Variants in NEAT1 observed in about 807,000 individuals in gnomAD.
The protein encoded by NEAT1 is nuclear paraspeckle assembly transcript 1.
chr11:65,423,663 G>C (rs1428625906), exon 1 of NEAT1: 1 of 152,276 alleles, frequency 6.6e-6, no homozygotes, highest in Non-Finnish European at 1.5e-5. Context: ...TCTAGGTTTG[G>C]CGCTAAACTC....
exon 1 of NEAT1, chr11:65,436,261 C>T (rs565085128): frequency 1.3e-5 from 2 of 152,250 alleles, no homozygotes; most frequent in South Asian, 4.1e-4. Context: ...CCTCTGGCCT[C>T]AGCTCCTAGA....
At chr11:65,443,995 G>C (rs1483307541) in exon 1 of NEAT1, 7 of 175,624 alleles carry the variant, frequency 4.0e-5, no homozygotes, top group Non-Finnish European at 8.5e-5. Context: ...TAAGGCCAGA[G>C]CTTTGTTGCT....
exon 1 of NEAT1, chr11:65,437,190 T>A (rs1856665096): frequency 7.3e-6 from 1 of 136,168 alleles, no homozygotes; most frequent in Non-Finnish European, 1.5e-5. Flanking sequence ...AGTTTATATA[T>A]ATATGTATAT....
exon 1 of NEAT1, chr11:65,428,525 G>A (rs1272614635): frequency 1.3e-5 from 2 of 152,152 alleles, no homozygotes; most frequent in East Asian, 1.9e-4. Flanking sequence ...GGTGCAGTGC[G>A]GGCATGAAAT....
chr11:65,437,087 A>T (rs114712408), exon 1 of NEAT1: 4 of 151,648 alleles, frequency 2.6e-5, no homozygotes, highest in African/African-American at 7.3e-5. Flanking sequence ...GATTAATAAT[A>T]AGAGCTCTTT....
chr11:65,426,467 T>G (rs1245817034), exon 1 of NEAT1: 1 of 152,264 alleles, frequency 6.6e-6, no homozygotes, highest in African/African-American at 2.4e-5. Context: ...GTCATGTACA[T>G]AATTACTAAT....
chr11:65,431,666 G>A (rs779181806), exon 1 of NEAT1: 5 of 152,200 alleles, frequency 3.3e-5, no homozygotes, highest in Non-Finnish European at 5.9e-5. Context: ...GAGGAGTGAT[G>A]CTGAGCATCT....
exon 1 of NEAT1, chr11:65,431,743 T>A (rs533760855): frequency 1.4e-4 from 21 of 152,330 alleles, no homozygotes; most frequent in Non-Finnish European, 2.6e-4. Context: ...CCTTTGACTA[T>A]TTTAAAAATT....
In NEAT1 at chr11:65,430,084, G is replaced by C. The variant is rs114711052; in HGVS notation, n.7287G>C. 2.2e-3 allele frequency: 340 copies of C among 152,334 alleles called. 2 individuals carry two copies. The highest frequency in any genetic ancestry group is 7.6e-3 in the African/African-American group (317 of 41,538). The allele number at this position is 152,334 out of a possible 1,614,324, so 9.4% of individuals were successfully genotyped here. A position where few individuals can be genotyped will look rare whatever the true frequency, so the allele number is the denominator to read the frequency against. ...GTTCGAATCCTGACTGGACTACTTG[G>C]CAACTTTATGTCTGGGAGCAAGTTA... On this transcript the variant is annotated non_coding_transcript_exon_variant, in exon 1 of 1. Transcript: ENST00000501122.
At chr11:65,434,619 G>A (rs1040670829) in exon 1 of NEAT1, 4 of 151,900 alleles carry the variant, frequency 2.6e-5, no homozygotes, top group Admixed American at 6.5e-5. Flanking sequence ...AGTTCTGTGC[G>A]ATCATCGTCA....
At chr11:65,439,902 C>T (rs964362468) in exon 1 of NEAT1, 1 of 152,094 alleles carries the variant, frequency 6.6e-6, no homozygotes. Context: ...TCAGCAGACA[C>T]CCCCTGCTAG....
exon 1 of NEAT1, chr11:65,433,023 A>C (rs967879287): frequency 1.3e-5 from 2 of 151,318 alleles, no homozygotes; most frequent in African/African-American, 4.9e-5. Context: ...AAAAAAAAAA[A>C]CCACAAACAT....
chr11:65,435,797 G>A (rs940661704), exon 1 of NEAT1: 3 of 152,178 alleles, frequency 2.0e-5, no homozygotes, highest in South Asian at 2.1e-4. Flanking sequence ...AGTATAACAC[G>A]GTGCCTGGCT....
chr11:65,441,795 TTG>T (rs1369701958), exon 1 of NEAT1: 1 of 152,248 alleles, frequency 6.6e-6, no homozygotes, highest in East Asian at 1.9e-4. Flanking sequence ...TTGGATTTTG[TTG>T]TGTTACTCTT....
exon 1 of NEAT1, chr11:65,433,310 A>G (rs1856629459): frequency 6.6e-6 from 1 of 152,192 alleles, no homozygotes; most frequent in African/African-American, 2.4e-5. Context: ...AATGCAATGG[A>G]ATGTAATGAT....
At chr11:65,427,395 A>G (rs1222988749) in exon 1 of NEAT1, 1 of 152,406 alleles carries the variant, frequency 6.6e-6, no homozygotes, top group East Asian at 1.9e-4. Flanking sequence ...CAGGGGGACC[A>G]ACACAAATGG....
At chr11:65,443,032 G>A (rs1024630386) in exon 1 of NEAT1, 1 of 152,126 alleles carries the variant, frequency 6.6e-6, no homozygotes, top group African/African-American at 2.4e-5. Flanking sequence ...ATTGATTAAC[G>A]TATGATTATT....
chr11:65,429,331 TGATGCCTTCCCC>T (rs1856592245), exon 1 of NEAT1: 1 of 152,256 alleles, frequency 6.6e-6, no homozygotes, highest in African/African-American at 2.4e-5. Context: ...GAGGCAAACC[TGATGCCTTCCCC>T]TCTTCCTCAG....
At chr11:65,432,319 A>C (rs538591846) in exon 1 of NEAT1, 1 of 152,288 alleles carries the variant, frequency 6.6e-6, no homozygotes, top group East Asian at 1.9e-4. Context: ...TCTTAGTATC[A>C]TTGGGAAGGC....
Sources: gnomAD v4.1 joint callset for allele counts on GRCh38, gnomAD v4.1.1 for gene constraint, MANE v1.5 for transcripts, NCBI Gene and HGNC (gene_info 2026-07-23, HGNC 2026-07-21) for gene names.